Variants in MAP2K6 observed in about 807,000 individuals in gnomAD.
MAP2K6 encodes the protein dual specificity mitogen-activated protein kinase kinase 6.
A neutral mutation model predicts 53.7 loss-of-function variants in MAP2K6; 16 were observed. That is an observed-to-expected ratio of 0.30 (90% CI 0.20 to 0.45). The LOEUF (loss-of-function observed/expected upper bound fraction) is 0.45, where lower values mean the gene tolerates loss of function less well. Ranked by LOEUF, MAP2K6 falls within the 20% of genes least tolerant of loss-of-function variation. The pLI is 1.00. For missense variants in MAP2K6, 204 were observed against 411.9 expected, an observed-to-expected ratio of 0.50 and a Z score of 4.37; for synonymous variants, 132 against 143.1, an observed-to-expected ratio of 0.92 and a Z score of 0.55.
At chr17:69,541,206 T>C (rs1344854207) in intron 11 of MAP2K6, among the ~76,000 whole-genome samples, 7 of 152,152 alleles carry the variant, frequency 4.6e-5, no homozygotes, top group Non-Finnish European at 7.4e-5. Flanking sequence ...GAGTTTGCAG[T>C]GAGCCAAGAT....
At position 69,475,228 on chromosome 17, in the gene MAP2K6, G is replaced by C. The variant is rs1460166572; in HGVS notation, c.17-30552G>C. 2.0e-5 allele frequency among the ~76,000 whole-genome samples: 3 copies of C among 149,450 alleles called. No individual in the cohort carries two copies. In the East Asian group the frequency reaches 5.9e-4, roughly 29 times the overall value. On this transcript the variant is annotated intron_variant, in intron 1 of 11. Coordinates refer to ENST00000590474, the MANE Select transcript of MAP2K6 (RefSeq NM_002758.4). ...GTGTCTCCCAGGTTGGAGTGCGGTG[G>C]CGCGATCTCGGCTCACTGCAAGCTC... is the stretch of plus-strand genomic sequence containing the variant.
intron 1 of MAP2K6, among the ~76,000 whole-genome samples, chr17:69,481,363 A>G (rs983777920): frequency 1.3e-5 from 2 of 152,124 alleles, no homozygotes; most frequent in Non-Finnish European, 2.9e-5. Flanking sequence ...CATCATCTGC[A>G]TGTTGTCTTT....
At chr17:69,509,653 A>C (rs1909707015) in intron 2 of MAP2K6, among the ~76,000 whole-genome samples, 1 of 152,030 alleles carries the variant, frequency 6.6e-6, no homozygotes, top group Non-Finnish European at 1.5e-5. Context: ...AAGAATGTCC[A>C]GTCCTAGGTT....
chr17:69,459,240 CCTGTA>C (rs1907528317), intron 1 of MAP2K6, among the ~76,000 whole-genome samples: 1 of 152,016 alleles, frequency 6.6e-6, no homozygotes, highest in South Asian at 2.1e-4. Context: ...CAAATAATTG[CCTGTA>C]CTTTTCTTGT....
intron 1 of MAP2K6, among the ~76,000 whole-genome samples, chr17:69,473,595 T>A (rs1908048790): frequency 6.6e-6 from 1 of 152,192 alleles, no homozygotes; most frequent in African/African-American, 2.4e-5. Context: ...TTTTTCAAGG[T>A]AAATTTTTCT....
intron 10 of MAP2K6, among the ~76,000 whole-genome samples, chr17:69,528,193 G>A (rs539068266): frequency 7.3e-5 from 11 of 151,084 alleles, no homozygotes; most frequent in African/African-American, 2.7e-4. Flanking sequence ...TCTGTTGCTT[G>A]TGAACCTAAG....
chr17:69,528,956 C>T (rs1248318810), intron 10 of MAP2K6, among the ~76,000 whole-genome samples: 1 of 149,046 alleles, frequency 6.7e-6, no homozygotes, highest in Non-Finnish European at 1.5e-5. Context: ...ATGATCTTAT[C>T]TAGCTAAGTC....
At chr17:69,516,995 A>G (rs1026626317) in intron 3 of MAP2K6, 92 bp downstream of exon 3, 4 of 1,007,356 alleles carry the variant, frequency 4.0e-6, no homozygotes, top group Middle Eastern at 2.2e-4. Context: ...GCATGCTGTC[A>G]GGGGATGAGT....
In MAP2K6 at chr17:69,541,811, C is replaced by G; in HGVS notation, c.*58C>G. On this transcript the variant is annotated 3_prime_UTR_variant, in exon 12 of 12. Transcript: ENST00000590474. ...TGGATTGGTGGGTTTCGGGGTGAAGCAAGTTCACTACAGCATCAATAGAAA... is the reference window on the plus strand; with the variant it reads ...TGGATTGGTGGGTTTCGGGGTGAAGGAAGTTCACTACAGCATCAATAGAAA... The G allele has an allele frequency of 7.9e-7, 1 of 1,260,298 alleles. No homozygotes were observed. Among genetic ancestry groups the G allele is most frequent in the South Asian group, 1.2e-5 (1 of 82,262 alleles). The allele number at this position is 1,260,298 out of a possible 1,614,324, so 78.1% of individuals were successfully genotyped here. A position where few individuals can be genotyped will look rare whatever the true frequency, so the allele number is the denominator to read the frequency against.
At chr17:69,470,432 C>T (rs760874214) in intron 1 of MAP2K6, among the ~76,000 whole-genome samples, 6 of 152,058 alleles carry the variant, frequency 3.9e-5, no homozygotes, top group African/African-American at 1.2e-4. Flanking sequence ...ATGCTTCATC[C>T]GTCAGGGAAG....
chr17:69,526,859 C>G (rs1194455278), intron 10 of MAP2K6, 150 bp downstream of exon 10: 11 of 932,850 alleles, frequency 1.2e-5, no homozygotes, highest in Non-Finnish European at 1.7e-5. Flanking sequence ...CAAAGATGAC[C>G]GTATCACACT....
At chr17:69,491,797 AT>A (rs1306175618) in intron 1 of MAP2K6, among the ~76,000 whole-genome samples, 1 of 149,376 alleles carries the variant, frequency 6.7e-6, no homozygotes, top group Non-Finnish European at 1.5e-5. Flanking sequence ...CTGAGATGTT[AT>A]TTCACCGTGG....
intron 1 of MAP2K6, among the ~76,000 whole-genome samples, chr17:69,492,990 T>G (rs1291570305): frequency 6.6e-6 from 1 of 152,204 alleles, no homozygotes; most frequent in Non-Finnish European, 1.5e-5. Flanking sequence ...GCATCATTTT[T>G]TTTTAATTGT....
At chr17:69,502,623 T>C (rs1909227607) in intron 1 of MAP2K6, 2 of 985,388 alleles carry the variant, frequency 2.0e-6, no homozygotes, top group Non-Finnish European at 2.4e-6. Context: ...ATATACATAG[T>C]CAAGGGTTTA....
intron 1 of MAP2K6, among the ~76,000 whole-genome samples, chr17:69,458,798 T>C (rs1248683138): frequency 1.3e-5 from 2 of 152,234 alleles, no homozygotes; most frequent in Non-Finnish European, 2.9e-5. Flanking sequence ...GGTGTTACTT[T>C]CCTGTCAAGT....
At chr17:69,447,308 T>A (rs983633060) in intron 1 of MAP2K6, among the ~76,000 whole-genome samples, 1 of 151,372 alleles carries the variant, frequency 6.6e-6, no homozygotes, top group African/African-American at 2.4e-5. Context: ...ACAAAACAGT[T>A]TCATGTAGAA....
At chr17:69,482,099 T>G (rs1249385526) in intron 1 of MAP2K6, among the ~76,000 whole-genome samples, 4 of 152,138 alleles carry the variant, frequency 2.6e-5, no homozygotes, top group East Asian at 1.9e-4. Flanking sequence ...GATCCCTGGA[T>G]TTTTAGGCAA....
chr17:69,509,243 G>T (rs1273258428), intron 2 of MAP2K6, among the ~76,000 whole-genome samples: 2 of 152,052 alleles, frequency 1.3e-5, no homozygotes, highest in East Asian at 3.9e-4. Context: ...CTGCAAACAT[G>T]GTATATTTCT....
intron 2 of MAP2K6, among the ~76,000 whole-genome samples, chr17:69,506,935 A>G (rs1259374386): frequency 2.0e-5 from 3 of 151,736 alleles, no homozygotes; most frequent in African/African-American, 7.3e-5. Context: ...CTTGCTGTCA[A>G]GATTGTTTTC....
Sources: gnomAD v4.1 joint callset for allele counts (sites outside exome capture counted in the v4.1 genomes callset) on GRCh38, gnomAD v4.1.1 for gene constraint, MANE v1.5 for transcripts, NCBI Gene and HGNC (gene_info 2026-07-23, HGNC 2026-07-21) for gene names.